EIF4E2: variants seen among roughly 807,000 people sequenced by gnomAD.
EIF4E2 encodes the protein eukaryotic translation initiation factor 4E type 2.
Under a neutral mutation model 34.2 loss-of-function variants are expected in EIF4E2, and 13 were observed. The ratio of observed to expected loss-of-function variants is 0.38; its 90% CI spans 0.25 to 0.60. EIF4E2 has a LOEUF of 0.60. Ranked by LOEUF, EIF4E2 falls within the 20% of genes least tolerant of loss-of-function variation. The pLI is 0.62. For missense variants in EIF4E2, 222 were observed against 315.1 expected (o/e 0.70, Z 2.24); for synonymous variants, 100 against 106.6 (o/e 0.94, Z 0.38).
rs140247506 is a variant in EIF4E2, at chr2:232,567,327, A to G, written c.665+113A>G. ...GGAGACTTACTTGTGGAGAAGGGAC[A>G]GACCAGGCCTTCCCTCTAGGGCTTC... On this transcript the variant is annotated intron_variant, in intron 6 of 6. Transcript: ENST00000258416. 10 of 1,530,430 alleles carry G rather than the reference A, an allele frequency of 6.5e-6. No homozygotes were observed. In the East Asian group the frequency reaches 2.3e-4, roughly 35 times the overall value. The allele number at this position is 1,530,430 out of a possible 1,614,324, so 94.8% of individuals were successfully genotyped here.
At chr2:232,567,441 A>C in intron 6 of EIF4E2, 1 of 1,342,212 alleles carries the variant, frequency 7.5e-7, no homozygotes, top group Non-Finnish European at 9.5e-7. Flanking sequence ...ATCTGCAGAA[A>C]CCCAGTTGTA....
chr2:232,552,302 C>A (rs552100078), intron 1 of EIF4E2, among the ~76,000 whole-genome samples: 1 of 152,310 alleles, frequency 6.6e-6, no homozygotes, highest in African/African-American at 2.4e-5. Flanking sequence ...CACTCAACCT[C>A]CCGGGCACCA....
chr2:232,557,662 A>G, intron 2 of EIF4E2: 1 of 526,038 alleles, frequency 1.9e-6, no homozygotes, highest in South Asian at 2.6e-5. Flanking sequence ...AGAAAGTTAC[A>G]AAGGCCATAA....
Position 232,556,245 on chromosome 2 carries a change from T to C in EIF4E2, c.21-171T>C, listed in dbSNP as rs148342692. ...AGTTAGCTGATGGGTGTTTCGTTTT[T>C]GTTTAATCCTAATTTGCCTGTCTGT... On this transcript the variant is annotated intron_variant, in intron 1 of 6. Coordinates refer to ENST00000258416, the MANE Select transcript of EIF4E2 (RefSeq NM_004846.4). Among the ~76,000 whole-genome samples, 3 of 152,372 alleles carry C rather than the reference T, an allele frequency of 2.0e-5. No homozygotes were observed. In the East Asian group the frequency reaches 5.8e-4, roughly 29 times the overall value.
downstream of EIF4E2, chr2:232,573,790 C>T: frequency 3.2e-6 from 1 of 312,388 alleles, no homozygotes. Flanking sequence ...GTATACTTTC[C>T]TCCTTGCATC....
chr2:232,557,676 C>G, intron 2 of EIF4E2: 1 of 593,984 alleles, frequency 1.7e-6, no homozygotes, highest in Admixed American at 2.9e-5. Context: ...GCCATAAGAA[C>G]ACAGGTAAAG....
chr2:232,563,383 CTTTTT>C (rs77718119), intron 3 of EIF4E2, among the ~76,000 whole-genome samples: 3 of 147,556 alleles, frequency 2.0e-5, no homozygotes, highest in Non-Finnish European at 4.5e-5. Flanking sequence ...GACCCTGTCT[CTTTTT>C]TTTTTCTTTT....
chr2:232,566,766 C>A lies in EIF4E2; in HGVS notation c.376-63C>A. On this transcript the variant is annotated intron_variant, in intron 4 of 6. Coordinates refer to ENST00000258416, the MANE Select transcript of EIF4E2 (RefSeq NM_004846.4). The surrounding 1 kb of genome is among the most constrained non-coding windows in gnomAD (Gnocchi z 4.9). ...TTAAGAGATTCTTGGCTTTTTACTG[C>A]CTTCATACAAAAAAAGGCTGTGAAA... The A allele has an allele frequency of 6.3e-7, 1 of 1,591,328 alleles. No homozygotes were observed. The highest frequency in any genetic ancestry group is 8.6e-7 in the Non-Finnish European group (1 of 1,165,658).
At chr2:232,557,354 A>G (rs1692560559) in intron 2 of EIF4E2, among the ~76,000 whole-genome samples, 1 of 152,198 alleles carries the variant, frequency 6.6e-6, no homozygotes, top group South Asian at 2.1e-4. Context: ...AGAGGACACA[A>G]AGGTGAATGA....
downstream of EIF4E2, among the ~76,000 whole-genome samples, chr2:232,572,783 A>G (rs1373634019): frequency 6.6e-6 from 1 of 152,198 alleles, no homozygotes; most frequent in Non-Finnish European, 1.5e-5. Flanking sequence ...TGTGAAGTCC[A>G]TATTTCTTCA....
At position 232,568,970 on chromosome 2, in the gene EIF4E2, AG is replaced by A; in HGVS notation, c.693del (p.Arg231SerfsTer12). On this transcript the variant is annotated frameshift_variant, in exon 7 of 7. Coordinates refer to ENST00000258416, the MANE Select transcript of EIF4E2 (RefSeq NM_004846.4). LOFTEE classifies it high-confidence loss of function. Reference sequence around the variant, plus strand: ...AATGCCAGGCAGGCTGGGCCCCCAAAGGCTCCTTTTTCAAAACCTCTGGAAG... The same window carrying A: ...AATGCCAGGCAGGCTGGGCCCCCAAAGCTCCTTTTTCAAAACCTCTGGAAG... ...IKMPGRLGPQ[R>X]LLFQNLWKPR... is the part of the protein sequence containing the mutation. 2 of 1,614,118 alleles carry A rather than the reference AG, an allele frequency of 1.2e-6. No individual in the cohort carries two copies.
intron 1 of EIF4E2, among the ~76,000 whole-genome samples, chr2:232,552,502 C>T (rs1692376850): frequency 1.3e-5 from 2 of 152,110 alleles, no homozygotes; most frequent in South Asian, 2.1e-4. Flanking sequence ...GAGCCACCAC[C>T]CCCAGCCTCA....
At position 232,566,205 on chromosome 2, in the gene EIF4E2, G is replaced by C. The variant is rs1692926202; in HGVS notation, c.376-624G>C. 6.6e-6 allele frequency among the ~76,000 whole-genome samples: 1 copy of C among 151,012 alleles called. No individual in the cohort carries two copies. The highest frequency in any genetic ancestry group is 1.5e-5 in the Non-Finnish European group (1 of 67,852). ...GTTGTTTTGTTTTGTTTTGTTTTTT[G>C]AGACGGAGTCTTGCTGTGTTTCCCA... On this transcript the variant is annotated intron_variant, in intron 4 of 6. Transcript: ENST00000258416. The surrounding 1 kb of genome is among the most constrained non-coding windows in gnomAD (Gnocchi z 4.9).
At chr2:232,550,806 C>T (rs1692280153) in intron 1 of EIF4E2, 62 bp downstream of exon 1, 2 of 1,461,976 alleles carry the variant, frequency 1.4e-6, no homozygotes, top group African/African-American at 1.5e-5. Context: ...CGCCCGCCCC[C>T]GCTGGGGCTG....
intron 3 of EIF4E2, among the ~76,000 whole-genome samples, chr2:232,559,920 G>A (rs1053321276): frequency 2.0e-5 from 3 of 151,902 alleles, no homozygotes; most frequent in Non-Finnish European, 4.4e-5. Context: ...GAGCCTAGGA[G>A]GTTAAGACTA....
intron 1 of EIF4E2, among the ~76,000 whole-genome samples, chr2:232,554,221 G>A (rs748613122): frequency 2.6e-5 from 4 of 152,222 alleles, no homozygotes; most frequent in Non-Finnish European, 2.9e-5. Flanking sequence ...CCAAGAGAAA[G>A]TGGCCCTCAA....
chr2:232,563,395 T>TC (rs1692793350), intron 3 of EIF4E2, among the ~76,000 whole-genome samples: 1 of 149,038 alleles, frequency 6.7e-6, no homozygotes, highest in South Asian at 2.1e-4. Flanking sequence ...TTTTTTTTTC[T>TC]TTTTTTTTAA....
intron 1 of EIF4E2, among the ~76,000 whole-genome samples, chr2:232,555,220 A>G (rs181157895): frequency 6.6e-6 from 1 of 152,340 alleles, no homozygotes; most frequent in East Asian, 1.9e-4. Flanking sequence ...CTGAATTATA[A>G]CTGGAGCATT....
intron 3 of EIF4E2, among the ~76,000 whole-genome samples, chr2:232,563,941 G>A (rs1692818934): frequency 6.6e-6 from 1 of 152,230 alleles, no homozygotes; most frequent in Non-Finnish European, 1.5e-5. Flanking sequence ...TGCAGCTTGA[G>A]TGGGAGAGTG....
Sources: allele counts gnomAD v4.1 joint callset (sites outside exome capture counted in the v4.1 genomes callset), GRCh38; gene constraint gnomAD v4.1.1; non-coding constraint Gnocchi (gnomAD v3.1); transcripts MANE v1.5; gene names NCBI Gene and HGNC (gene_info 2026-07-23, HGNC 2026-07-21).